ACVR2B: variants seen among roughly 807,000 people sequenced by gnomAD.
ACVR2B encodes the protein activin receptor type-2B.
ACVR2B carries 18 observed loss-of-function variants against 65.1 expected under a neutral mutation model. That is an observed-to-expected ratio of 0.28 (90% CI 0.19 to 0.41). ACVR2B has a LOEUF of 0.41. ACVR2B is among the 10% of genes least tolerant of loss of function. The pLI is 1.00. For synonymous variants in ACVR2B, 298 were observed against 277.7 expected, an observed-to-expected ratio of 1.07 and a Z score of -0.73; for missense variants, 482 against 682.7, an observed-to-expected ratio of 0.71 and a Z score of 3.28.
chr3:38,482,452 G>T lies in ACVR2B; in HGVS notation c.1236G>T (p.Leu412=). The change falls in exon 10 of 11, where the codon CTG becomes CTT. Residue 412 remains leucine, a synonymous_variant. Coordinates refer to ENST00000352511, the MANE Select transcript of ACVR2B (RefSeq NM_001106.4). The part of the protein sequence containing the change: ...AADGPVDEYM[L]PFEEEIGQHP... Reference sequence around the variant, plus strand: ...TAGGACCCGTGGATGAGTACATGCTGCCCTTTGAGGAAGAGATTGGCCAGC... The same window carrying T: ...TAGGACCCGTGGATGAGTACATGCTTCCCTTTGAGGAAGAGATTGGCCAGC... The T allele has an allele frequency of 1.2e-6, 2 of 1,612,752 alleles. No homozygotes were observed. The highest frequency in any genetic ancestry group is 1.1e-5 in the South Asian group (1 of 90,886).
chr3:38,479,065 A>G, intron 5 of ACVR2B, 63 bp from the exon 6 acceptor site: 2 of 1,603,080 alleles, frequency 1.2e-6, no homozygotes. Context: ...GCTGTAGGGC[A>G]ATGTGACTGC....
intron 1 of ACVR2B, among the ~76,000 whole-genome samples, chr3:38,472,727 G>A (rs535498): frequency 6.6e-6 from 1 of 152,094 alleles, no homozygotes; most frequent in Non-Finnish European, 1.5e-5. Context: ...CAAGTGCAGA[G>A]CTCAGGGACT....
rs377585519 is a variant in ACVR2B at position 38,477,984 on chromosome 3, G to C, written c.370+14G>C. Reference sequence around the variant, plus strand: ...GGGGCCCGGAAGGTAAGGGGGCAGTGTGGAAGTGGGGCCTTGAGTCAGCCG... The same window carrying C: ...GGGGCCCGGAAGGTAAGGGGGCAGTCTGGAAGTGGGGCCTTGAGTCAGCCG... On this transcript the variant is annotated intron_variant, in intron 3 of 10. Transcript: ENST00000352511. This position sits in a 1 kb window ranked among gnomAD's most constrained non-coding sequence, Gnocchi z 6.7. 1.9e-6 allele frequency: 3 copies of C among 1,613,334 alleles called. No homozygotes were observed. The South Asian group carries it at 3.3e-5, about 18-fold the overall frequency.
At chr3:38,457,969 G>A (rs1048488329) in intron 1 of ACVR2B, among the ~76,000 whole-genome samples, 2 of 152,114 alleles carry the variant, frequency 1.3e-5, no homozygotes, top group Non-Finnish European at 1.5e-5. Flanking sequence ...CTGGGCACTC[G>A]AGGCTCTGCC....
At chr3:38,472,047 C>T (rs1336726581) in intron 1 of ACVR2B, among the ~76,000 whole-genome samples, 1 of 152,102 alleles carries the variant, frequency 6.6e-6, no homozygotes, top group Non-Finnish European at 1.5e-5. Context: ...TTTTTTCTCC[C>T]CTATTGTACA....
chr3:38,480,025 G>T (rs543645247), intron 7 of ACVR2B, among the ~76,000 whole-genome samples, 199 bp downstream of exon 7: 1 of 152,294 alleles, frequency 6.6e-6, no homozygotes, highest in African/African-American at 2.4e-5. Flanking sequence ...CTGGTTTTTG[G>T]TGCCCTCTAA....
chr3:38,459,745 A>G (rs1051904376), intron 1 of ACVR2B: 1 of 900,518 alleles, frequency 1.1e-6, no homozygotes, highest in Admixed American at 6.2e-5. Flanking sequence ...ATCTGAGGGC[A>G]GGGCCAGGCT....
chr3:38,470,081 T>G (rs1288264155), intron 1 of ACVR2B, among the ~76,000 whole-genome samples: 1 of 152,104 alleles, frequency 6.6e-6, no homozygotes, highest in Non-Finnish European at 1.5e-5. Flanking sequence ...AATTGGAAAT[T>G]AGGAAAGGAG....
In ACVR2B at chr3:38,485,917, A is replaced by G. The variant is rs1710112564; in HGVS notation, c.*2585A>G. On this transcript the variant is annotated 3_prime_UTR_variant, in exon 11 of 11. Transcript: ENST00000352511. ...AAACAAACGACTAACAAATGTAGCA[A>G]ATTTACTGCAGGAATAGTTAGGTCA... is the stretch of plus-strand genomic sequence containing the variant. 6.6e-6 allele frequency: 1 copy of G among 152,416 alleles called. No homozygotes were observed. Among genetic ancestry groups the G allele is most frequent in the African/African-American group, 2.4e-5 (1 of 41,372 alleles). 9.4% of individuals were successfully genotyped at this position (152,416 alleles called of 1,614,324 possible).
At chr3:38,473,150 G>A (rs73065203) in intron 1 of ACVR2B, among the ~76,000 whole-genome samples, 36 of 152,344 alleles carry the variant, frequency 2.4e-4, no homozygotes, top group Admixed American at 6.5e-4. Flanking sequence ...GCCCCTTGGA[G>A]CATAGGGACT....
At chr3:38,463,127 G>A (rs116770304) in intron 1 of ACVR2B, among the ~76,000 whole-genome samples, 3,839 of 152,280 alleles carry the variant, frequency 0.025, 170 homozygotes, top group African/African-American at 0.086. Context: ...TTGTGCCTGA[G>A]TCTCCTGGGT....
intron 1 of ACVR2B, among the ~76,000 whole-genome samples, chr3:38,473,112 C>T (rs1429427064): frequency 2.0e-5 from 3 of 152,126 alleles, no homozygotes; most frequent in Non-Finnish European, 4.4e-5. Context: ...TTGGGGAGCA[C>T]TGGGTACTTT....
At position 38,487,080 on chromosome 3, in the gene ACVR2B, G is replaced by T. The variant is rs2169551; in HGVS notation, c.*3748G>T. 0.013 allele frequency: 2,006 copies of T among 152,660 alleles called. 38 individuals carry two copies. Among genetic ancestry groups the T allele is most frequent in the African/African-American group, 0.045 (1,870 of 41,590 alleles). The allele number at this position is 152,660 out of a possible 1,614,324, so 9.5% of individuals were successfully genotyped here. ...AAAGTGACACCTGGCAGTGAGGGAA[G>T]ATGGTGAGCATTATTAGCCTTTGTT... On this transcript the variant is annotated 3_prime_UTR_variant, in exon 11 of 11. Coordinates refer to ENST00000352511, the MANE Select transcript of ACVR2B (RefSeq NM_001106.4).
intron 1 of ACVR2B, among the ~76,000 whole-genome samples, chr3:38,455,423 G>T (rs1376083313): frequency 2.6e-5 from 4 of 152,130 alleles, no homozygotes; most frequent in East Asian, 1.9e-4. Context: ...CGGGTCCCCC[G>T]CCGCCCTCGG....
intron 1 of ACVR2B, chr3:38,474,814 A>AG (rs750095695): frequency 6.6e-6 from 1 of 152,334 alleles, no homozygotes; most frequent in Non-Finnish European, 1.5e-5. Context: ...GCCTGGTCTC[A>AG]GGGGAGAGGG....
intron 5 of ACVR2B, 140 bp from the exon 6 acceptor site, chr3:38,478,988 C>G: frequency 8.9e-7 from 1 of 1,121,756 alleles, no homozygotes; most frequent in Non-Finnish European, 1.3e-6. Flanking sequence ...AATGCTGAAG[C>G]TGGGAGGCTG....
chr3:38,477,570 G>C lies in ACVR2B; in HGVS notation c.260+76G>C. 6.6e-7 allele frequency: 1 copy of C among 1,517,374 alleles called. No individual in the cohort carries two copies. The highest frequency in any genetic ancestry group is 9.0e-7 in the Non-Finnish European group (1 of 1,110,052). 94.0% of individuals were successfully genotyped at this position (1,517,374 alleles called of 1,614,324 possible). A position where few individuals can be genotyped will look rare whatever the true frequency, so the allele number is the denominator to read the frequency against. Reference sequence around the variant, plus strand: ...TGCCCACTGGGCCATTTGGGTCTCAGGATGTCTGAGTGGGAGATAAAGGAC... The same window carrying C: ...TGCCCACTGGGCCATTTGGGTCTCACGATGTCTGAGTGGGAGATAAAGGAC... On this transcript the variant is annotated intron_variant, in intron 2 of 10. Transcript: ENST00000352511. The surrounding 1 kb of genome is among the most constrained non-coding windows in gnomAD (Gnocchi z 6.7).
rs778598170 is a variant in ACVR2B at position 38,483,341 on chromosome 3, C to T, written c.*9C>T. Reference sequence around the variant, plus strand: ...AAGAGTCAAGCATCTAAGCCCAGGACATGAGTGTCTGTCCAGACTCAGTGG... The same window carrying T: ...AAGAGTCAAGCATCTAAGCCCAGGATATGAGTGTCTGTCCAGACTCAGTGG... On this transcript the variant is annotated 3_prime_UTR_variant, in exon 11 of 11. Coordinates refer to ENST00000352511, the MANE Select transcript of ACVR2B (RefSeq NM_001106.4). This position sits in a 1 kb window ranked among gnomAD's most constrained non-coding sequence, Gnocchi z 4.8. 5 of 1,613,842 alleles carry T rather than the reference C, an allele frequency of 3.1e-6. No homozygotes were observed. The South Asian group carries it at 3.3e-5, about 11-fold the overall frequency.
intron 1 of ACVR2B, among the ~76,000 whole-genome samples, chr3:38,456,233 C>T (rs1709548697): frequency 6.6e-6 from 1 of 152,198 alleles, no homozygotes; most frequent in South Asian, 2.1e-4. Context: ...GTAGTCACAT[C>T]AACCAGTCCC....
Sources: allele counts gnomAD v4.1 joint callset (sites outside exome capture counted in the v4.1 genomes callset), GRCh38; gene constraint gnomAD v4.1.1; non-coding constraint Gnocchi (gnomAD v3.1); transcripts MANE v1.5; gene names NCBI Gene and HGNC (gene_info 2026-07-23, HGNC 2026-07-21).